The following CCNY variants were observed in gnomAD, a reference collection of about 807,000 sequenced individuals.
CCNY encodes cyclin Y.
Under a neutral mutation model 42.8 loss-of-function variants are expected in CCNY, and 19 were observed. The ratio of observed to expected loss-of-function variants is 0.44; its 90% CI spans 0.31 to 0.65. The LOEUF is 0.65. CCNY is among the 30% of genes least tolerant of loss of function. CCNY has a pLI of 0.07. For synonymous variants in CCNY, 165 were observed against 162.7 expected (o/e 1.01, Z -0.11); for missense variants, 370 against 437.3 (o/e 0.85, Z 1.37).
chr10:35,381,983 G>T (rs1342360035), intron 1 of CCNY, among the ~76,000 whole-genome samples: 1 of 152,066 alleles, frequency 6.6e-6, no homozygotes, highest in South Asian at 2.1e-4. Flanking sequence ...TAAAACTAAA[G>T]AACAAATCAA....
chr10:35,364,454 G>A (rs1431647604), intron 1 of CCNY, among the ~76,000 whole-genome samples: 1 of 152,132 alleles, frequency 6.6e-6, no homozygotes, highest in Non-Finnish European at 1.5e-5. Flanking sequence ...ACCATCAGAT[G>A]TATGTTTTTA....
chr10:35,449,454 A>G (rs1226871856), intron 1 of CCNY, among the ~76,000 whole-genome samples: 1 of 152,168 alleles, frequency 6.6e-6, no homozygotes, highest in Non-Finnish European at 1.5e-5. Context: ...CCTACTGGGC[A>G]GGGTTCCAGA....
At chr10:35,345,034 A>T (rs1438733432) in intron 1 of CCNY, among the ~76,000 whole-genome samples, 1 of 152,222 alleles carries the variant, frequency 6.6e-6, no homozygotes, top group Non-Finnish European at 1.5e-5. Flanking sequence ...CGCAATAAAC[A>T]TGCATGTGCA....
At chr10:35,271,134 T>G (rs1465829105) in intron 3 of CCNY, among the ~76,000 whole-genome samples, 1 of 152,036 alleles carries the variant, frequency 6.6e-6, no homozygotes, top group Non-Finnish European at 1.5e-5. Context: ...AACTGAAAAA[T>G]CAACAGCTCC....
intron 1 of CCNY, among the ~76,000 whole-genome samples, chr10:35,406,410 G>A (rs1479955556): frequency 6.6e-6 from 1 of 151,848 alleles, no homozygotes; most frequent in Non-Finnish European, 1.5e-5. Context: ...GGGCACTTGA[G>A]ACTAGGGAGT....
chr10:35,540,569 T>A (rs986293866), intron 7 of CCNY, among the ~76,000 whole-genome samples: 7 of 152,184 alleles, frequency 4.6e-5, no homozygotes, highest in Admixed American at 1.3e-4. Flanking sequence ...TTCTACTTTT[T>A]TTTTTTTGAA....
At chr10:35,340,587 C>G (rs576073633) in intron 1 of CCNY, among the ~76,000 whole-genome samples, 1 of 151,812 alleles carries the variant, frequency 6.6e-6, no homozygotes, top group East Asian at 1.9e-4. Flanking sequence ...TCACTGCAAC[C>G]TCCACCTCCC....
At chr10:35,281,358 G>T (rs1835297336) in intron 3 of CCNY, among the ~76,000 whole-genome samples, 1 of 151,958 alleles carries the variant, frequency 6.6e-6, no homozygotes, top group South Asian at 2.1e-4. Flanking sequence ...GAGTGCAGTG[G>T]TGCGATCTCA....
chr10:35,329,233 T>C (rs1397046437), intron 3 of CCNY, among the ~76,000 whole-genome samples: 4 of 152,176 alleles, frequency 2.6e-5, no homozygotes, highest in Non-Finnish European at 5.9e-5. Flanking sequence ...AATGAGCAGA[T>C]GCTGACAAAG....
chr10:35,544,340 A>T (rs1841067666), intron 7 of CCNY, among the ~76,000 whole-genome samples: 1 of 152,220 alleles, frequency 6.6e-6, no homozygotes, highest in Non-Finnish European at 1.5e-5. Flanking sequence ...TTAGATACAC[A>T]AATACTCATC....
intron 1 of CCNY, among the ~76,000 whole-genome samples, chr10:35,369,142 A>G (rs1836874606): frequency 6.6e-6 from 1 of 152,204 alleles, no homozygotes; most frequent in Admixed American, 6.5e-5. Context: ...TCAGGCCGAA[A>G]TGACCTTGCA....
intron 3 of CCNY, among the ~76,000 whole-genome samples, chr10:35,329,260 G>A (rs1422858804): frequency 1.3e-5 from 2 of 152,108 alleles, no homozygotes; most frequent in Non-Finnish European, 2.9e-5. Flanking sequence ...ATATAAAAAT[G>A]TTCATCCCCG....
chr10:35,389,897 A>G (rs898396897), intron 1 of CCNY, among the ~76,000 whole-genome samples: 4 of 151,390 alleles, frequency 2.6e-5, no homozygotes, highest in Non-Finnish European at 4.4e-5. Flanking sequence ...GCATCGTCTG[A>G]TATTGGTCAT....
At chr10:35,454,266 C>T (rs1838981839) in intron 1 of CCNY, among the ~76,000 whole-genome samples, 1 of 152,222 alleles carries the variant, frequency 6.6e-6, no homozygotes. Flanking sequence ...TTTCACAGTC[C>T]AGCAGCATAG....
chr10:35,533,045 G>A (rs1359758836), intron 7 of CCNY, among the ~76,000 whole-genome samples: 2 of 152,194 alleles, frequency 1.3e-5, no homozygotes, highest in African/African-American at 4.8e-5. Flanking sequence ...TCACCTTTGC[G>A]CACTGCTGTG....
intron 1 of CCNY, among the ~76,000 whole-genome samples, chr10:35,408,348 G>T (rs1837828816): frequency 6.6e-6 from 1 of 152,214 alleles, no homozygotes; most frequent in South Asian, 2.1e-4. Flanking sequence ...TGAGCAACAA[G>T]GCTGTTTATT....
At chr10:35,277,724 CTTTT>C (rs201138322) in intron 3 of CCNY, among the ~76,000 whole-genome samples, 1 of 147,732 alleles carries the variant, frequency 6.8e-6, no homozygotes, top group Non-Finnish European at 1.5e-5. Context: ...CATGTAAATT[CTTTT>C]TTTTTTTTCC....
At chr10:35,517,825 C>G (rs1840461444) in intron 4 of CCNY, among the ~76,000 whole-genome samples, 1 of 152,218 alleles carries the variant, frequency 6.6e-6, no homozygotes. Context: ...TTGCCTGAGC[C>G]ACGTTTACCC....
intron 1 of CCNY, among the ~76,000 whole-genome samples, chr10:35,415,626 C>G (rs1419173057): frequency 6.6e-6 from 1 of 152,242 alleles, no homozygotes; most frequent in Non-Finnish European, 1.5e-5. Flanking sequence ...TTGCTCACAT[C>G]TGTCTCCTCT....
Sources: allele counts gnomAD v4.1 joint callset (sites outside exome capture counted in the v4.1 genomes callset), GRCh38; gene constraint gnomAD v4.1.1; transcripts MANE v1.5; gene names NCBI Gene and HGNC (gene_info 2026-07-23, HGNC 2026-07-21).